The following COA1 variants were observed in gnomAD, a reference collection of about 807,000 sequenced individuals.
The protein encoded by COA1 is cytochrome c oxidase assembly factor 1, also known as cytochrome c oxidase assembly factor 1 homolog.
A neutral mutation model predicts 16.0 loss-of-function variants in COA1; 13 were observed. That is an observed-to-expected ratio of 0.81 (90% confidence interval 0.53 to 1.29). The LOEUF (loss-of-function observed/expected upper bound fraction) is 1.29. Among genes scored for constraint, COA1 ranks in the 50% most tolerant of loss-of-function variants. The pLI is 0.00. For synonymous variants in COA1, 65 were observed against 65.7 expected, an observed-to-expected ratio of 0.99 and a Z score of 0.05; for missense variants, 179 against 177.0, an observed-to-expected ratio of 1.01 and a Z score of -0.06.
intron 1 of COA1, among the ~76,000 whole-genome samples, chr7:43,689,990 T>C (rs2094201341): frequency 6.6e-6 from 1 of 152,052 alleles, no homozygotes; most frequent in Non-Finnish European, 1.5e-5. Flanking sequence ...CAAAGACAGA[T>C]GGGACACATA....
chr7:43,726,440 T>C (rs77193383), intron 1 of COA1, among the ~76,000 whole-genome samples: 1,568 of 152,238 alleles, frequency 0.01, 28 homozygotes, highest in African/African-American at 0.036. Flanking sequence ...GTAAAAAATA[T>C]AAAACAAAGT....
chr7:43,676,944 C>G (rs1366938192), intron 1 of COA1, among the ~76,000 whole-genome samples: 1 of 152,104 alleles, frequency 6.6e-6, no homozygotes, highest in Non-Finnish European at 1.5e-5. Flanking sequence ...AATAGAGGTA[C>G]AGTATGCATT....
chr7:43,613,872 T>C (rs2083099318), intron 6 of COA1, among the ~76,000 whole-genome samples: 1 of 152,160 alleles, frequency 6.6e-6, no homozygotes, highest in African/African-American at 2.4e-5. Context: ...CATTAATTTC[T>C]AAAAATTAAT....
intron 1 of COA1, among the ~76,000 whole-genome samples, chr7:43,674,249 A>G (rs1584814885): frequency 1.3e-5 from 2 of 152,214 alleles, no homozygotes; most frequent in Non-Finnish European, 2.9e-5. Context: ...AGATTTACAG[A>G]TTATAAACCT....
At chr7:43,666,790 C>G (rs1584711441) in intron 1 of COA1, among the ~76,000 whole-genome samples, 1 of 152,084 alleles carries the variant, frequency 6.6e-6, no homozygotes, top group East Asian at 1.9e-4. Flanking sequence ...GTCCTAGGAT[C>G]CACACCAAGT....
In COA1 at chr7:43,657,857, C is replaced by A. The variant is rs532794749; in HGVS notation, c.-38-9205G>T. ...TTTGAAAATGGGCAAAAATGCTGAA[C>A]AAACATCTCACCAAAGATACAGAGA... is the stretch of plus-strand genomic sequence containing the variant. On this transcript the variant is annotated intron_variant, in intron 1 of 5. Coordinates refer to ENST00000223336, the MANE Select transcript of COA1 (RefSeq NM_018224.4). Among the ~76,000 whole-genome samples the A allele has an allele frequency of 8.5e-5, 13 of 152,052 alleles. No individual in the cohort carries two copies. In the East Asian group the frequency reaches 2.5e-3, roughly 29 times the overall value.
downstream of COA1, among the ~76,000 whole-genome samples, chr7:43,638,470 A>G (rs895818483): frequency 5.3e-5 from 8 of 152,214 alleles, no homozygotes; most frequent in Non-Finnish European, 1.0e-4. Flanking sequence ...TAAGGATACA[A>G]TTATCTAACA....
At chr7:43,666,343 G>A (rs745652879) in intron 1 of COA1, among the ~76,000 whole-genome samples, 1 of 152,134 alleles carries the variant, frequency 6.6e-6, no homozygotes, top group South Asian at 2.1e-4. Context: ...GCCTTCAGCT[G>A]TACCTGCTTA....
chr7:43,628,394 T>C (rs185325686), intron 6 of COA1, among the ~76,000 whole-genome samples: 3 of 152,352 alleles, frequency 2.0e-5, no homozygotes, highest in African/African-American at 4.8e-5. Context: ...TGTGGGGCTA[T>C]TATAAATGTG....
intron 4 of COA1, among the ~76,000 whole-genome samples, chr7:43,644,724 A>AGATAGATAGATTAGAT (rs1191367856): frequency 2.5e-3 from 57 of 22,900 alleles, no homozygotes; most frequent in African/African-American, 6.7e-3. Context: ...ATAGATAGAT[A>AGATAGATAGATTAGAT]GATAGATAGA....
chr7:43,651,689 TAAAA>T (rs539990413), intron 1 of COA1, among the ~76,000 whole-genome samples: 2 of 107,186 alleles, frequency 1.9e-5, no homozygotes, highest in Non-Finnish European at 3.7e-5. Flanking sequence ...AGGAAGAGCT[TAAAA>T]AAAAAAAAAA....
chr7:43,702,954 T>C (rs2094810304), intron 1 of COA1, among the ~76,000 whole-genome samples: 1 of 152,208 alleles, frequency 6.6e-6, no homozygotes, highest in Admixed American at 6.5e-5. Flanking sequence ...TCATTAATTT[T>C]AGATCTTTCT....
At chr7:43,714,791 T>C (rs2095349148) in intron 1 of COA1, among the ~76,000 whole-genome samples, 1 of 151,996 alleles carries the variant, frequency 6.6e-6, no homozygotes. Flanking sequence ...ATGGATCACT[T>C]GCAGCCAGGA....
At chr7:43,648,827 G>A in intron 1 of COA1, 175 bp from the exon 2 acceptor site, 2 of 544,824 alleles carry the variant, frequency 3.7e-6, no homozygotes, top group Non-Finnish European at 6.5e-6. Flanking sequence ...CCCTTCTGCT[G>A]CCAAATTAGG....
intron 6 of COA1, chr7:43,622,844 G>C (rs35974484): frequency 0.15 from 22,365 of 152,096 alleles, 2,200 homozygotes; most frequent in Non-Finnish European, 0.21. Flanking sequence ...GGGTCTACAG[G>C]CATGCACCAT....
At chr7:43,644,481 G>C (rs1272040058) in intron 4 of COA1, among the ~76,000 whole-genome samples, 1 of 151,984 alleles carries the variant, frequency 6.6e-6, no homozygotes, top group Non-Finnish European at 1.5e-5. Context: ...AAAGTTTAAA[G>C]AGTTGGGTAC....
At chr7:43,654,865 G>A (rs546631011) in intron 1 of COA1, among the ~76,000 whole-genome samples, 58 of 152,200 alleles carry the variant, frequency 3.8e-4, no homozygotes, top group African/African-American at 1.3e-3. Flanking sequence ...ATGACATATT[G>A]GAGTAGCCTT....
chr7:43,616,069 G>A (rs1008276549), intron 6 of COA1, among the ~76,000 whole-genome samples: 1 of 152,118 alleles, frequency 6.6e-6, no homozygotes, highest in African/African-American at 2.4e-5. Context: ...CTTGTTTTCT[G>A]TTATTTCCCC....
Position 43,691,340 on chromosome 7 carries a change from A to AGG in COA1, c.-39+38088_-39+38089insCC, listed in dbSNP as rs1163144065. Among the ~76,000 whole-genome samples the AGG allele has an allele frequency of 8.2e-4, 39 of 47,470 alleles. 1 individual carries two copies. Among genetic ancestry groups the AGG allele is most frequent in the Middle Eastern group, 0.018 (2 of 110 alleles). The allele number at this position is 47,470 out of a possible 152,430, so 31.1% of individuals were successfully genotyped here. A position where few individuals can be genotyped will look rare whatever the true frequency, so the allele number is the denominator to read the frequency against. On this transcript the variant is annotated intron_variant, in intron 1 of 5. Coordinates refer to ENST00000223336, the MANE Select transcript of COA1 (RefSeq NM_018224.4). ...AAGAAAGAAAGAAAGAGAAAGAGAG[A>AGG]GAGGGAGGGAGGGAGGGAGGGAGGG...
Sources: gnomAD v4.1 joint callset for allele counts (sites outside exome capture counted in the v4.1 genomes callset) on GRCh38, gnomAD v4.1.1 for gene constraint, MANE v1.5 for transcripts, NCBI Gene and HGNC (gene_info 2026-07-23, HGNC 2026-07-21) for gene names.